Variants in DNAH2 observed in about 807,000 individuals in gnomAD.
DNAH2 encodes axonemal beta dynein heavy chain 2.
Under a neutral mutation model 523.5 loss-of-function variants are expected in DNAH2, and 323 were observed. The ratio of observed to expected loss-of-function variants is 0.62; its 90% CI spans 0.56 to 0.68. The LOEUF (loss-of-function observed/expected upper bound fraction) is 0.68. Among genes scored for constraint, DNAH2 ranks in the 30% least tolerant of loss-of-function variants. DNAH2 has a pLI of 0.00. For missense variants in DNAH2, 4,907 were observed against 5,701.5 expected, an observed-to-expected ratio of 0.86 and a Z score of 4.49; for synonymous variants, 2,093 against 2,177.4, an observed-to-expected ratio of 0.96 and a Z score of 1.08.
At chr17:7,728,628 G>A (rs867845820) in intron 4 of DNAH2, among the ~76,000 whole-genome samples, 1 of 152,156 alleles carries the variant, frequency 6.6e-6, no homozygotes, top group South Asian at 2.1e-4. Flanking sequence ...CGTGAAAAAC[G>A]ATTTGAAGAA....
Position 7,818,108 on chromosome 17 carries a change from TC to T in DNAH2, c.10387+16del. 6.2e-7 allele frequency: 1 copy of T among 1,609,450 alleles called. No homozygotes were observed. Among genetic ancestry groups the T allele is most frequent in the South Asian group, 1.1e-5 (1 of 91,066 alleles). On this transcript the variant is annotated intron_variant, in intron 68 of 85. Transcript: ENST00000572933. ...TGTAGCCCGAATCGGTCAGGACAAG[TC>T]CCCAAGACCAGCCAAGTGGGATGCT... is the stretch of plus-strand genomic sequence containing the variant.
intron 67 of DNAH2, 33 bp downstream of exon 67, chr17:7,817,889 CT>C (rs746763073): frequency 6.8e-6 from 11 of 1,612,716 alleles, no homozygotes; most frequent in Middle Eastern, 3.3e-4. Context: ...TAGCCCCCCC[CT>C]TCCTGAGGCC....
chr17:7,832,942 G>T lies in DNAH2; in HGVS notation c.12978+14G>T, dbSNP rs1344387575. 1 of 1,614,190 alleles carries T rather than the reference G, an allele frequency of 6.2e-7. No individual in the cohort carries two copies. Among genetic ancestry groups the T allele is most frequent in the Admixed American group, 1.7e-5 (1 of 60,034 alleles). ...TATCCCCCCAAGGTGGGAGCCAGTT[G>T]TGCTTGGGGCTCTGAGCAAAAGAGG... is the stretch of plus-strand genomic sequence containing the variant. On this transcript the variant is annotated intron_variant, in intron 84 of 85. Transcript: ENST00000572933. This position sits in a 1 kb window ranked among gnomAD's most constrained non-coding sequence, Gnocchi z 4.3.
rs775348373 is a variant in DNAH2 at position 7,743,006 on chromosome 17, G to A, written c.1768G>A (p.Ala590Thr). The A allele has an allele frequency of 2.6e-6, 4 of 1,522,066 alleles. No homozygotes were observed. Among genetic ancestry groups the A allele is most frequent in the East Asian group, 2.3e-5 (1 of 44,062 alleles). The allele number at this position is 1,522,066 out of a possible 1,614,324, so 94.3% of individuals were successfully genotyped here. A position where few individuals can be genotyped will look rare whatever the true frequency, so the allele number is the denominator to read the frequency against. The change falls in exon 12 of 86, where the codon GCC becomes ACC. Residue 590 changes from alanine to threonine, a missense_variant. Coordinates refer to ENST00000572933, the MANE Select transcript of DNAH2 (RefSeq NM_020877.5). ...SVHTYQQMVQ[A>T]IDELVRKTFQ... ...GCACACCTATCAGCAGATGGTCCAG[G>A]CCATTGATGAGCTGGTTCGAAAAAC...
At chr17:7,801,201 C>T (rs1334913999) in intron 56 of DNAH2, among the ~76,000 whole-genome samples, 1 of 152,068 alleles carries the variant, frequency 6.6e-6, no homozygotes, top group Non-Finnish European at 1.5e-5. Context: ...GTTTGTGATA[C>T]ACGGTGTACT....
At chr17:7,777,931 C>T (rs545493336) in intron 33 of DNAH2, 146 bp from the exon 34 acceptor site, 24 of 783,268 alleles carry the variant, frequency 3.1e-5, no homozygotes, top group Non-Finnish European at 3.5e-5. Flanking sequence ...GCCCATAAAC[C>T]GCTCCCCTTT....
chr17:7,786,800 A>C lies in DNAH2; in HGVS notation c.6467-97A>C. On this transcript the variant is annotated intron_variant, in intron 41 of 85. Transcript: ENST00000572933. This position sits in a 1 kb window ranked among gnomAD's most constrained non-coding sequence, Gnocchi z 7.5. ...GAGAGAAATGCCTGGGGAATGCTGA[A>C]GTACAAGGGAGTGTAGGCTTGTGTC... 2 of 1,598,468 alleles carry C rather than the reference A, an allele frequency of 1.3e-6. No homozygotes were observed. Among genetic ancestry groups the C allele is most frequent in the Non-Finnish European group, 1.7e-6 (2 of 1,168,862 alleles).
At position 7,770,356 on chromosome 17, in the gene DNAH2, A is replaced by G; in HGVS notation, c.4046A>G (p.Glu1349Gly). Residue 1349 changes from glutamate (E) to glycine (G), a missense_variant, in exon 25 of 86, where the codon GAG (glutamate) becomes GGG (glycine). Around this residue, in one of 3 missense-constraint regions of DNAH2, gnomAD observed 2,806 missense variants for 3,190.8 expected, o/e 0.88. Coordinates refer to ENST00000572933, the MANE Select transcript of DNAH2 (RefSeq NM_020877.5). Reference sequence around the variant, plus strand: ...GAGCTTGGGATGGATCAGCATGTGGAGAAAATTGGGGAGATCTCTGCTTCA... The same window carrying G: ...GAGCTTGGGATGGATCAGCATGTGGGGAAAATTGGGGAGATCTCTGCTTCA... ...IVELGMDQHV[E>G]KIGEISASAT... 6.2e-7 allele frequency: 1 copy of G among 1,614,048 alleles called. No individual in the cohort carries two copies. The highest frequency in any genetic ancestry group is 1.1e-5 in the South Asian group (1 of 91,072).
chr17:7,802,748 CT>C, intron 58 of DNAH2, among the ~76,000 whole-genome samples: 1 of 152,100 alleles, frequency 6.6e-6, no homozygotes, highest in Admixed American at 6.5e-5. Context: ...ACTGCAACCT[CT>C]GCCTCCCGGG....
At position 7,780,955 on chromosome 17, in the gene DNAH2, T is replaced by C. The variant is rs992451748; in HGVS notation, c.6004-87T>C. 1.1e-4 allele frequency: 184 copies of C among 1,603,550 alleles called. No individual in the cohort carries two copies. Among genetic ancestry groups the C allele is most frequent in the Non-Finnish European group, 1.4e-4 (168 of 1,175,078 alleles). ...TAATGGCTAACTGGTGTATCCATTG[T>C]TCTTGGCACGTGCCCCGAAGCCCTT... On this transcript the variant is annotated intron_variant, in intron 38 of 85. Coordinates refer to ENST00000572933, the MANE Select transcript of DNAH2 (RefSeq NM_020877.5). This position sits in a 1 kb window ranked among gnomAD's most constrained non-coding sequence, Gnocchi z 4.4.
At chr17:7,722,043 G>A (rs1043645608) in intron 2 of DNAH2, among the ~76,000 whole-genome samples, 6 of 152,152 alleles carry the variant, frequency 3.9e-5, no homozygotes, top group African/African-American at 1.2e-4. Flanking sequence ...CTGTCACCCA[G>A]GCTGGAGTGC....
At chr17:7,767,002 CATCT>C (rs2076187619) in intron 22 of DNAH2, among the ~76,000 whole-genome samples, 1 of 152,072 alleles carries the variant, frequency 6.6e-6, no homozygotes, top group Non-Finnish European at 1.5e-5. Flanking sequence ...ATTCATACCA[CATCT>C]ATCTAATTCC....
At position 7,719,860 on chromosome 17, in the gene DNAH2, T is replaced by C; in HGVS notation, c.126T>C (p.Ser42=). The change falls in exon 2 of 86, where the codon AGT becomes AGC. Residue 42 remains serine (S), a synonymous_variant. Coordinates refer to ENST00000572933, the MANE Select transcript of DNAH2 (RefSeq NM_020877.5). ...TQEQGNAPAV[S]EPELQAELPK... is the part of the protein sequence containing the mutation. ...AGCAGGGGAATGCCCCGGCTGTCAG[T>C]GAGCCAGAGCTGCAGGCTGAGCTCC... 1 of 1,594,856 alleles carries C rather than the reference T, an allele frequency of 6.3e-7. No homozygotes were observed. Among genetic ancestry groups the C allele is most frequent in the Non-Finnish European group, 8.5e-7 (1 of 1,170,410 alleles).
Position 7,788,094 on chromosome 17 carries a change from G to A in DNAH2, c.6750G>A (p.Val2250=), listed in dbSNP as rs2076793077. 1 of 1,614,110 alleles carries A rather than the reference G, an allele frequency of 6.2e-7. No homozygotes were observed. Among genetic ancestry groups the A allele is most frequent in the Admixed American group, 1.7e-5 (1 of 60,000 alleles). The change falls in exon 44 of 86, where the codon GTG becomes GTA. Residue 2250 remains valine, a synonymous_variant. Coordinates refer to ENST00000572933, the MANE Select transcript of DNAH2 (RefSeq NM_020877.5). ...SWLEKRPKAE[V]EPLQRMFEKL... is the part of the protein sequence containing the mutation. ...TTCTTATTCAACTCCAGGCTGAGGT[G>A]GAGCCCCTTCAACGCATGTTCGAAA...
In DNAH2 at chr17:7,819,316, CTT is replaced by C; in HGVS notation, c.10925_10926del (p.Phe3642TyrfsTer5). On this transcript the variant is annotated frameshift_variant, in exon 72 of 86. Transcript: ENST00000572933. LOFTEE classifies it high-confidence loss of function. ...TCTCACTGGATGCCTACATCAGCCT[CTT>C]TATTCTCAGCATTGACAAAAGCCAC... Reference protein sequence around the residue: ...QFSLDAYISLFILSIDKSHRS... With the variant: ...QFSLDAYISLXILSIDKSHRS... 1 of 1,614,246 alleles carries C rather than the reference CTT, an allele frequency of 6.2e-7. No individual in the cohort carries two copies. Among genetic ancestry groups the C allele is most frequent in the Non-Finnish European group, 8.5e-7 (1 of 1,180,046 alleles).
intron 28 of DNAH2, among the ~76,000 whole-genome samples, chr17:7,773,855 G>T (rs1285364865): frequency 6.6e-6 from 1 of 151,854 alleles, no homozygotes; most frequent in Non-Finnish European, 1.5e-5. Context: ...TCAGCCTCCC[G>T]AGTAGCTTGG....
intron 33 of DNAH2, 100 bp from the exon 34 acceptor site, chr17:7,777,977 C>T: frequency 8.9e-7 from 1 of 1,128,282 alleles, no homozygotes; most frequent in Non-Finnish European, 1.3e-6. Flanking sequence ...CCCTTCACTG[C>T]AGCCTCCCTG....
chr17:7,818,238 G>A (rs2062046707), intron 68 of DNAH2, 74 bp from the exon 69 acceptor site: 2 of 1,599,672 alleles, frequency 1.3e-6, no homozygotes, highest in Admixed American at 1.7e-5. Flanking sequence ...CGCTGCCCCT[G>A]GATGCCGGTG....
At chr17:7,771,581 C>A (rs778653138) in intron 28 of DNAH2, 113 bp downstream of exon 28, 18 of 1,178,184 alleles carry the variant, frequency 1.5e-5, no homozygotes, top group Non-Finnish European at 2.0e-5. Flanking sequence ...CCTAACATTT[C>A]CCATCTCCAT....
Sources: gnomAD v4.1 joint callset for allele counts (sites outside exome capture counted in the v4.1 genomes callset) on GRCh38, gnomAD v4.1.1 for gene constraint, gnomAD v4.1.1 regional missense constraint, Gnocchi (gnomAD v3.1) non-coding constraint, MANE v1.5 for transcripts, NCBI Gene and HGNC (gene_info 2026-07-23, HGNC 2026-07-21) for gene names.